The following ADAM15 variants were observed in gnomAD, a reference collection of about 807,000 sequenced individuals.
The protein encoded by ADAM15 is disintegrin and metalloproteinase domain-containing protein 15.
A neutral mutation model predicts 113.8 loss-of-function variants in ADAM15; 77 were observed. The observed-to-expected ratio is 0.68, with a 90% CI of 0.56 to 0.82. The LOEUF (loss-of-function observed/expected upper bound fraction) is 0.82, where lower values mean the gene tolerates loss of function less well. Among genes scored for constraint, ADAM15 ranks in the 40% least tolerant of loss-of-function variants. The pLI, the probability that ADAM15 is intolerant of heterozygous loss-of-function variation, is 0.00. For synonymous variants in ADAM15, 388 were observed against 454.1 expected, an observed-to-expected ratio of 0.85 and a Z score of 1.85; for missense variants, 963 against 1,120.1, an observed-to-expected ratio of 0.86 and a Z score of 2.00.
Position 155,051,477 on chromosome 1 carries a change from G to C in ADAM15, c.79+12G>C. On this transcript the variant is annotated intron_variant, in intron 1 of 22. Coordinates refer to ENST00000356955, the MANE Select transcript of ADAM15 (RefSeq NM_207197.3). The stretch of plus-strand genomic sequence containing the variant: ...GCTCCCAAATATAGGTGAGTCCTCC[G>C]CCTGGAGTGGGTCGGGGGGCGGACT... 1 of 1,550,840 alleles carries C rather than the reference G, an allele frequency of 6.4e-7. No individual in the cohort carries two copies. The highest frequency in any genetic ancestry group is 1.2e-5 in the South Asian group (1 of 83,486).
chr1:155,058,319 C>T lies in ADAM15; in HGVS notation c.1795C>T (p.Leu599Phe), dbSNP rs1421648666. ...QPLLGSIRDL[L>F]WETIDVNGTE... ...TCTGCTGGGCTCCATCCGGGATCTA[C>T]TCTGGGAGACAATAGATGTGAATGG... is the stretch of plus-strand genomic sequence containing the variant. The change falls in exon 15 of 23, where the codon CTC (leucine) becomes TTC (phenylalanine). Residue 599 changes from leucine (L) to phenylalanine (F), a missense_variant. Transcript: ENST00000356955. The surrounding 1 kb of genome is among the most constrained non-coding windows in gnomAD (Gnocchi z 4.3). The T allele has an allele frequency of 6.2e-7, 1 of 1,614,100 alleles. No homozygotes were observed. The highest frequency in any genetic ancestry group is 1.1e-5 in the South Asian group (1 of 91,084).
intron 1 of ADAM15, chr1:155,051,666 C>A (rs1030028663): frequency 8.6e-6 from 4 of 465,606 alleles, no homozygotes; most frequent in Non-Finnish European, 1.5e-5. Flanking sequence ...GATGCCGGCG[C>A]CCCCTGCCTC....
intron 5 of ADAM15, 43 bp from the exon 6 acceptor site, chr1:155,054,271 C>T (rs1344341069): frequency 6.3e-7 from 1 of 1,584,774 alleles, no homozygotes; most frequent in Non-Finnish European, 8.6e-7. Context: ...TAAGGAGACC[C>T]AGGCATGGAG....
intron 1 of ADAM15, chr1:155,051,803 T>G: frequency 4.3e-6 from 1 of 233,068 alleles, no homozygotes; most frequent in Non-Finnish European, 8.4e-6. Context: ...GACTGGCATC[T>G]TCGCTGCTCT....
Position 155,062,369 on chromosome 1 carries a change from G to C in ADAM15, c.2549G>C (p.Arg850Thr), listed in dbSNP as rs1262775686. The change falls in exon 22 of 23, where the codon AGA (arginine) becomes ACA (threonine). Residue 850 changes from arginine (R) to threonine (T), a missense_variant and splice_region_variant. Transcript: ENST00000356955. This position sits in a 1 kb window ranked among gnomAD's most constrained non-coding sequence, Gnocchi z 7.0. ...ATCCCGCCCCTAGTGGTACCCTCCA[G>C]GTAGGAGGAGCCCTGGGCATGGGTG... ...AGIPPLVVPS[R>T]PAPPPPTVSS... The C allele has an allele frequency of 6.3e-7, 1 of 1,599,950 alleles. No individual in the cohort carries two copies. The highest frequency in any genetic ancestry group is 1.3e-5 in the African/African-American group (1 of 74,768).
rs778412814 is a variant in ADAM15, at chr1:155,057,665, T to C, written c.1352T>C (p.Leu451Ser). The C allele has an allele frequency of 6.2e-7, 1 of 1,614,194 alleles. No individual in the cohort carries two copies. The highest frequency in any genetic ancestry group is 1.1e-5 in the South Asian group (1 of 91,082). ...DDCVDPCCDSLTCQLRPGAQC... is the reference protein window; with the variant it reads ...DDCVDPCCDSSTCQLRPGAQC... ...TGCGTCGATCCCTGCTGTGATTCTT[T>C]GACCTGCCAGCTGAGGCCAGGTGCA... Residue 451 changes from leucine (L) to serine (S), a missense_variant, in exon 13 of 23, where the codon TTG becomes TCG. Coordinates refer to ENST00000356955, the MANE Select transcript of ADAM15 (RefSeq NM_207197.3). This position sits in a 1 kb window ranked among gnomAD's most constrained non-coding sequence, Gnocchi z 5.0.
At chr1:155,061,572 C>A in intron 20 of ADAM15, 83 bp downstream of exon 20, 1 of 1,407,222 alleles carries the variant, frequency 7.1e-7, no homozygotes, top group Non-Finnish European at 9.8e-7. Flanking sequence ...CTGCTCCCTG[C>A]CAGTGGTGCT....
rs1662486673 is a variant in ADAM15, at chr1:155,060,907, T to TA, written c.2277+78dup. 2.9e-6 allele frequency: 4 copies of TA among 1,402,916 alleles called. No individual in the cohort carries two copies. The Admixed American group carries it at 7.0e-5, about 24-fold the overall frequency. 86.9% of individuals were successfully genotyped at this position (1,402,916 alleles called of 1,614,324 possible). A position where few individuals can be genotyped will look rare whatever the true frequency, so the allele number is the denominator to read the frequency against. On this transcript the variant is annotated intron_variant, in intron 19 of 22. Coordinates refer to ENST00000356955, the MANE Select transcript of ADAM15 (RefSeq NM_207197.3). Reference sequence around the variant, plus strand: ...AGCTTGGGCCCTGGGGGGTGCGCATTAAAGGCTCCAGACTCAGAGAAAGGC... The same window carrying TA: ...AGCTTGGGCCCTGGGGGGTGCGCATTAAAAGGCTCCAGACTCAGAGAAAGGC...
At chr1:155,061,375 C>G (rs761265712) in intron 19 of ADAM15, 40 bp from the exon 20 acceptor site, 178 of 1,578,406 alleles carry the variant, frequency 1.1e-4, no homozygotes, top group Non-Finnish European at 1.4e-4. Context: ...TCTGCTTCCT[C>G]TTCCCCCTCT....
intron 2 of ADAM15, among the ~76,000 whole-genome samples, chr1:155,053,113 C>T (rs1046548067): frequency 1.6e-5 from 2 of 128,280 alleles, no homozygotes; most frequent in Admixed American, 7.5e-5. Flanking sequence ...CCAAACCCCC[C>T]CCCCCCCACC....
Position 155,057,838 on chromosome 1 carries a change from C to T in ADAM15, c.1417-13C>T. 1 of 1,612,674 alleles carries T rather than the reference C, an allele frequency of 6.2e-7. No individual in the cohort carries two copies. The highest frequency in any genetic ancestry group is 1.3e-5 in the African/African-American group (1 of 75,030). ...GCTCAGTGCCCACACTGATGCTCAT[C>T]CACCCTCCACAGCTGCGCCCGTCTG... On this transcript the variant is annotated splice_polypyrimidine_tract_variant and intron_variant, in intron 13 of 22. Transcript: ENST00000356955. This position sits in a 1 kb window ranked among gnomAD's most constrained non-coding sequence, Gnocchi z 5.0.
In ADAM15 at chr1:155,058,204, C is replaced by G. The variant is rs763215656; in HGVS notation, c.1722-42C>G. 1.9e-6 allele frequency: 3 copies of G among 1,613,264 alleles called. No homozygotes were observed. The East Asian group carries it at 6.7e-5, about 36-fold the overall frequency. On this transcript the variant is annotated intron_variant, in intron 14 of 22. Coordinates refer to ENST00000356955, the MANE Select transcript of ADAM15 (RefSeq NM_207197.3). The surrounding 1 kb of genome is among the most constrained non-coding windows in gnomAD (Gnocchi z 4.3). ...CCTTTGGGTTTCTGAGAGCCTTGGC[C>G]CTGCTCCTACTAACTCTGTGTGCCC... is the stretch of plus-strand genomic sequence containing the variant.
rs1215021942 is a variant in ADAM15 at position 155,056,377 on chromosome 1, G to A, written c.915-9G>A. 1.2e-6 allele frequency: 2 copies of A among 1,614,002 alleles called. No homozygotes were observed. Among genetic ancestry groups the A allele is most frequent in the Non-Finnish European group, 1.7e-6 (2 of 1,179,918 alleles). On this transcript the variant is annotated splice_polypyrimidine_tract_variant and intron_variant, in intron 9 of 22. Transcript: ENST00000356955. The surrounding 1 kb of genome is among the most constrained non-coding windows in gnomAD (Gnocchi z 4.0). ...TCTGGCCCTGAACTTTAGCCTCTCT[G>A]TCCCACAGTGGTACTTCATTCTCTG...
At position 155,051,351 on chromosome 1, in the gene ADAM15, A is replaced by C. The variant is rs1260195915; in HGVS notation, c.-36A>C. On this transcript the variant is annotated 5_prime_UTR_variant, in exon 1 of 23. Transcript: ENST00000356955. ...GCCGCTCCTCCGCGCGCTGTTCCGCACTTGCTGCCCTCGCCCGGCCCGGAG... is the reference window on the plus strand; with the variant it reads ...GCCGCTCCTCCGCGCGCTGTTCCGCCCTTGCTGCCCTCGCCCGGCCCGGAG... 2.7e-6 allele frequency: 4 copies of C among 1,468,556 alleles called. No individual in the cohort carries two copies. Among genetic ancestry groups the C allele is most frequent in the Non-Finnish European group, 3.6e-6 (4 of 1,110,826 alleles). 91.0% of individuals were successfully genotyped at this position (1,468,556 alleles called of 1,614,324 possible). A position where few individuals can be genotyped will look rare whatever the true frequency, so the allele number is the denominator to read the frequency against.
chr1:155,057,203 G>C lies in ADAM15; in HGVS notation c.1164G>C (p.Leu388=). 1 of 1,613,824 alleles carries C rather than the reference G, an allele frequency of 6.2e-7. No individual in the cohort carries two copies. ...MEASTDFLPG[L]NFSNCSRRAL... ...CCCTCCCCAGCTTCCTACCAGGCCTGAACTTCAGCAACTGCAGCCGACGGG... is the reference window on the plus strand; with the variant it reads ...CCCTCCCCAGCTTCCTACCAGGCCTCAACTTCAGCAACTGCAGCCGACGGG... Residue 388 remains leucine, a synonymous_variant, in exon 12 of 23, where the codon CTG becomes CTC. Transcript: ENST00000356955. The surrounding 1 kb of genome is among the most constrained non-coding windows in gnomAD (Gnocchi z 5.0).
At position 155,056,555 on chromosome 1, in the gene ADAM15, A is replaced by C; in HGVS notation, c.999+85A>C. On this transcript the variant is annotated intron_variant, in intron 10 of 22. Transcript: ENST00000356955. The surrounding 1 kb of genome is among the most constrained non-coding windows in gnomAD (Gnocchi z 4.0). ...ATTTATGCACTGAAACCCCCCTATA[A>C]AGTTGCCCAACCCCAAAGCTACAGG... The C allele has an allele frequency of 9.6e-6, 13 of 1,354,784 alleles. No homozygotes were observed. The highest frequency in any genetic ancestry group is 1.3e-5 in the Non-Finnish European group (13 of 966,208). 83.9% of individuals were successfully genotyped at this position (1,354,784 alleles called of 1,614,324 possible). A position where few individuals can be genotyped will look rare whatever the true frequency, so the allele number is the denominator to read the frequency against.
intron 6 of ADAM15, among the ~76,000 whole-genome samples, chr1:155,054,934 G>C (rs1661566929): frequency 6.6e-6 from 1 of 151,982 alleles, no homozygotes; most frequent in African/African-American, 2.4e-5. Context: ...GTTTGCCCGA[G>C]GCCCTACAAC....
Position 155,051,452 on chromosome 1 carries a change from G to A in ADAM15, c.66G>A (p.Pro22=). The A allele has an allele frequency of 2.6e-6, 4 of 1,566,156 alleles. No homozygotes were observed. Among genetic ancestry groups the A allele is most frequent in the Admixed American group, 1.9e-5 (1 of 52,962 alleles). The stretch of plus-strand genomic sequence containing the variant: ...CGGGCAGCCCTCTGCCTTCCTGGCC[G>A]CTCCCAAATATAGGTGAGTCCTCCG... ...LGAGSPLPSW[P]LPNIGGTEEQ... Residue 22 remains proline (P), a synonymous_variant, in exon 1 of 23, where the codon CCG becomes CCA. Transcript: ENST00000356955.
rs761489152 is a variant in ADAM15 at position 155,058,688 on chromosome 1, G to T, written c.1918-22G>T. ...TAAAGCTTTGTGGGAATCTGATCCA[G>T]GCTCTTCTCTCCCTGGGTCAGGTGT... On this transcript the variant is annotated intron_variant, in intron 15 of 22. Transcript: ENST00000356955. The surrounding 1 kb of genome is among the most constrained non-coding windows in gnomAD (Gnocchi z 4.3). The T allele has an allele frequency of 6.2e-7, 1 of 1,610,370 alleles. No individual in the cohort carries two copies. The highest frequency in any genetic ancestry group is 1.1e-5 in the South Asian group (1 of 90,448).
Sources: allele counts gnomAD v4.1 joint callset (sites outside exome capture counted in the v4.1 genomes callset), GRCh38; gene constraint gnomAD v4.1.1; non-coding constraint Gnocchi (gnomAD v3.1); transcripts MANE v1.5; gene names NCBI Gene and HGNC (gene_info 2026-07-23, HGNC 2026-07-21).